Variants in DHRSX observed in about 807,000 individuals in gnomAD.
The protein encoded by DHRSX is polyprenol dehydrogenase.
A neutral mutation model predicts 34.0 loss-of-function variants in DHRSX; 31 were observed. The ratio of observed to expected loss-of-function variants is 0.91; its 90% CI spans 0.69 to 1.23. The LOEUF is 1.23. Ranked by LOEUF, DHRSX falls within the 50% of genes most tolerant of loss-of-function variation. The pLI is 0.00. For missense variants in DHRSX, 414 were observed against 428.1 expected, an observed-to-expected ratio of 0.97 and a Z score of 0.29; for synonymous variants, 201 against 183.8, an observed-to-expected ratio of 1.09 and a Z score of -0.76.
chrX:2,265,172 G>A (rs1187561220), intron 5 of DHRSX, among the ~76,000 whole-genome samples: 1 of 129,158 alleles, frequency 7.7e-6, no homozygotes, highest in African/African-American at 3.1e-5. Flanking sequence ...AGCAGACGCA[G>A]GGAGCACTGT....
chrX:2,324,316 A>G (rs1353075851), intron 3 of DHRSX, among the ~76,000 whole-genome samples: 1 of 152,144 alleles, frequency 6.6e-6, no homozygotes, highest in African/African-American at 2.4e-5. Flanking sequence ...TTTATGATGA[A>G]GCTGCACAGA....
chrX:2,357,920 G>A (rs371365702), intron 3 of DHRSX, among the ~76,000 whole-genome samples: 1 of 152,088 alleles, frequency 6.6e-6, no homozygotes, highest in Non-Finnish European at 1.5e-5. Context: ...GGCTACCATA[G>A]TCAAAACAGG....
intron 3 of DHRSX, among the ~76,000 whole-genome samples, chrX:2,364,182 T>C (rs1376987389): frequency 6.6e-6 from 1 of 152,198 alleles, no homozygotes; most frequent in Non-Finnish European, 1.5e-5. Flanking sequence ...AGAACTGGGC[T>C]GGCATCTGTA....
intron 1 of DHRSX, among the ~76,000 whole-genome samples, chrX:2,453,703 TC>T (rs2124679030): frequency 6.6e-6 from 1 of 151,928 alleles, no homozygotes; most frequent in East Asian, 1.9e-4. Flanking sequence ...TTAATTTTTT[TC>T]AGTTAGATAA....
At chrX:2,490,063 G>T in intron 1 of DHRSX, 1 of 1,613,780 alleles carries the variant, frequency 6.2e-7, no homozygotes. Flanking sequence ...GGGCGCCCAG[G>T]CCCAGGAAGT....
chrX:2,315,220 CTGTCCAA>C (rs2042228288), intron 3 of DHRSX, among the ~76,000 whole-genome samples: 1 of 151,604 alleles, frequency 6.6e-6, no homozygotes, highest in Admixed American at 6.6e-5. Context: ...TGGCTTGGTG[CTGTCCAA>C]ATAAACACTA....
chrX:2,272,207 T>C (rs2041566957), intron 4 of DHRSX, among the ~76,000 whole-genome samples: 1 of 152,152 alleles, frequency 6.6e-6, no homozygotes, highest in East Asian at 1.9e-4. Flanking sequence ...AGCTTTGCAT[T>C]TTGATGAACT....
intron 1 of DHRSX, among the ~76,000 whole-genome samples, chrX:2,459,704 AG>A (rs1299307191): frequency 1.4e-4 from 22 of 152,136 alleles, no homozygotes; most frequent in African/African-American, 5.1e-4. Flanking sequence ...TTTTGAGGAC[AG>A]CTATGACATA....
chrX:2,231,560 TTCTC>T (rs1011562587), intron 6 of DHRSX, among the ~76,000 whole-genome samples: 3 of 150,656 alleles, frequency 2.0e-5, no homozygotes, highest in Admixed American at 1.3e-4. Flanking sequence ...CTCTTCCTTT[TTCTC>T]TCTTCTTCCT....
intron 1 of DHRSX, among the ~76,000 whole-genome samples, chrX:2,464,820 A>G (rs186643598): frequency 6.6e-6 from 1 of 152,136 alleles, no homozygotes; most frequent in East Asian, 1.9e-4. Flanking sequence ...ACGTTCTGTA[A>G]CAATGCAGCC....
intron 1 of DHRSX, among the ~76,000 whole-genome samples, chrX:2,431,600 T>C (rs1163789482): frequency 3.9e-5 from 6 of 152,152 alleles, no homozygotes. Flanking sequence ...ATCATGTCCT[T>C]TGCAGCAATA....
chrX:2,265,467 A>AGAGCACCAGTGTCCAGCAGAAGCAGG (rs1391590013), intron 5 of DHRSX, among the ~76,000 whole-genome samples: 46 of 128,198 alleles, frequency 3.6e-4, no homozygotes, highest in Non-Finnish European at 7.2e-4. Flanking sequence ...CACTGTCCCC[A>AGAGCACCAGTGTCCAGCAGAAGCAGG]GAGCACCAGT....
chrX:2,356,210 AC>A (rs2042849869), intron 3 of DHRSX, among the ~76,000 whole-genome samples: 2 of 152,016 alleles, frequency 1.3e-5, no homozygotes, highest in African/African-American at 4.8e-5. Flanking sequence ...ACACTGTCAT[AC>A]TAAAAATACA....
intron 3 of DHRSX, among the ~76,000 whole-genome samples, chrX:2,360,552 C>CA (rs750472748): frequency 1.4e-3 from 216 of 152,226 alleles, no homozygotes; most frequent in African/African-American, 4.8e-3. Context: ...CACTGCACTC[C>CA]AGCCTGGGCA....
intron 3 of DHRSX, among the ~76,000 whole-genome samples, chrX:2,311,382 C>G (rs1208651134): frequency 6.6e-6 from 1 of 152,106 alleles, no homozygotes; most frequent in Non-Finnish European, 1.5e-5. Flanking sequence ...TACATCACTA[C>G]GAGAGAACTC....
At chrX:2,224,447 CG>C (rs200646549) in intron 6 of DHRSX, among the ~76,000 whole-genome samples, 4,153 of 152,166 alleles carry the variant, frequency 0.027, 137 homozygotes, top group African/African-American at 0.084. Flanking sequence ...CAAGTACTAC[CG>C]TTTTAGGGGG....
At chrX:2,263,072 G>C (rs2041385577) in intron 5 of DHRSX, among the ~76,000 whole-genome samples, 1 of 152,248 alleles carries the variant, frequency 6.6e-6, no homozygotes, top group Non-Finnish European at 1.5e-5. Flanking sequence ...CATTACAGAG[G>C]CTGGCCCCAA....
intron 3 of DHRSX, among the ~76,000 whole-genome samples, chrX:2,321,835 G>C (rs34456487): frequency 0.75 from 113,705 of 151,872 alleles, 43,542 homozygotes; most frequent in African/African-American, 0.84. Flanking sequence ...AATCCCTCCT[G>C]TCCGCTCTCA....
chrX:2,400,597 A>T (rs980474444), intron 3 of DHRSX, among the ~76,000 whole-genome samples: 1 of 152,146 alleles, frequency 6.6e-6, no homozygotes, highest in African/African-American at 2.4e-5. Context: ...CTCAGAAGAT[A>T]CCTGTGCACA....
Sources: allele counts gnomAD v4.1 joint callset (sites outside exome capture counted in the v4.1 genomes callset), GRCh38; gene constraint gnomAD v4.1.1; transcripts MANE v1.5; gene names NCBI Gene and HGNC (gene_info 2026-07-23, HGNC 2026-07-21).